CNTNAP2: variants seen among roughly 807,000 people sequenced by gnomAD.
CNTNAP2 encodes the protein contactin-associated protein-like 2.
CNTNAP2 carries 98 observed loss-of-function variants against 155.2 expected under a neutral mutation model. The ratio of observed to expected loss-of-function variants is 0.63; its 90% CI spans 0.54 to 0.75. CNTNAP2 has a LOEUF of 0.75. Ranked by LOEUF, CNTNAP2 falls within the 30% of genes least tolerant of loss-of-function variation. The pLI is 0.00. For missense variants in CNTNAP2, 1,727 were observed against 1,688.1 expected, an observed-to-expected ratio of 1.02 and a Z score of -0.40; for synonymous variants, 651 against 631.2, an observed-to-expected ratio of 1.03 and a Z score of -0.47.
At chr7:146,792,324 G>T (rs1159231434) in intron 2 of CNTNAP2, among the ~76,000 whole-genome samples, 1 of 151,632 alleles carries the variant, frequency 6.6e-6, no homozygotes, top group East Asian at 1.9e-4. Flanking sequence ...AGGCAAAATG[G>T]CATGAATAAA....
chr7:148,114,413 T>C (rs1804420379), intron 15 of CNTNAP2, among the ~76,000 whole-genome samples: 1 of 152,216 alleles, frequency 6.6e-6, no homozygotes, highest in Non-Finnish European at 1.5e-5. Flanking sequence ...TACTTATGTA[T>C]TGATTGAATA....
chr7:148,300,624 C>G (rs1797368753), intron 21 of CNTNAP2, among the ~76,000 whole-genome samples: 2 of 148,170 alleles, frequency 1.3e-5, no homozygotes. Flanking sequence ...ATTTGTACAC[C>G]AATGTTCATA....
intron 13 of CNTNAP2, among the ~76,000 whole-genome samples, chr7:147,831,242 T>C (rs1332643256): frequency 6.6e-6 from 1 of 152,190 alleles, no homozygotes; most frequent in African/African-American, 2.4e-5. Context: ...AGATACAAGT[T>C]TCAGTTTAAG....
At chr7:147,134,326 G>A (rs937795650) in intron 8 of CNTNAP2, among the ~76,000 whole-genome samples, 15 of 151,794 alleles carry the variant, frequency 9.9e-5, no homozygotes, top group Non-Finnish European at 2.2e-4. Flanking sequence ...TCCAATACAT[G>A]ACAGTTAATT....
intron 2 of CNTNAP2, among the ~76,000 whole-genome samples, chr7:146,786,634 G>C (rs1358491389): frequency 6.6e-6 from 1 of 152,098 alleles, no homozygotes. Flanking sequence ...TGACATTTAA[G>C]ACAGTCTATT....
At chr7:147,567,550 A>T (rs1488190578) in intron 12 of CNTNAP2, among the ~76,000 whole-genome samples, 1 of 152,176 alleles carries the variant, frequency 6.6e-6, no homozygotes, top group Non-Finnish European at 1.5e-5. Context: ...TAGTGGCAAT[A>T]AAGTAAAAGA....
intron 1 of CNTNAP2, among the ~76,000 whole-genome samples, chr7:146,221,862 C>T (rs937096647): frequency 6.6e-6 from 1 of 152,094 alleles, no homozygotes; most frequent in African/African-American, 2.4e-5. Flanking sequence ...TTTCTTAAGT[C>T]AATACAAAGG....
chr7:147,526,549 T>G (rs1029526412), intron 11 of CNTNAP2, among the ~76,000 whole-genome samples: 8 of 152,222 alleles, frequency 5.3e-5, no homozygotes, highest in African/African-American at 1.7e-4. Context: ...GGTTTAGTGC[T>G]CATTGCTTGA....
chr7:146,239,587 A>C, intron 1 of CNTNAP2, among the ~76,000 whole-genome samples: 1 of 152,186 alleles, frequency 6.6e-6, no homozygotes, highest in East Asian at 1.9e-4. Context: ...AGCCTACCTC[A>C]GTGCTGTGTT....
chr7:147,752,960 T>G (rs1277208049), intron 13 of CNTNAP2, among the ~76,000 whole-genome samples: 2 of 152,202 alleles, frequency 1.3e-5, no homozygotes, highest in East Asian at 1.9e-4. Flanking sequence ...CTGTCCAGTT[T>G]TGATTCAACT....
chr7:148,038,570 T>C (rs1216389682), intron 15 of CNTNAP2, among the ~76,000 whole-genome samples: 1 of 152,204 alleles, frequency 6.6e-6, no homozygotes, highest in Non-Finnish European at 1.5e-5. Flanking sequence ...AAATGGTGAA[T>C]CACTAGAGGA....
At chr7:146,464,840 T>C (rs1272600986) in intron 1 of CNTNAP2, among the ~76,000 whole-genome samples, 3 of 152,148 alleles carry the variant, frequency 2.0e-5, no homozygotes, top group African/African-American at 4.8e-5. Flanking sequence ...GGGAATGAAT[T>C]TGAGAGTTGT....
chr7:146,395,827 G>GAA (rs1491336293), intron 1 of CNTNAP2, among the ~76,000 whole-genome samples: 3 of 70,852 alleles, frequency 4.2e-5, no homozygotes, highest in Admixed American at 1.5e-4. Flanking sequence ...ATAGATAGAG[G>GAA]AGAGAGAGAG....
At chr7:146,947,406 C>CTA (rs1212589608) in intron 3 of CNTNAP2, among the ~76,000 whole-genome samples, 91 of 131,974 alleles carry the variant, frequency 6.9e-4, no homozygotes, top group African/African-American at 1.2e-3. Flanking sequence ...CTCTCTCTCT[C>CTA]TCTCTATATA....
rs917924770 is a variant in CNTNAP2, at chr7:148,389,421, C to T, written c.3715+5533C>T. On this transcript the variant is annotated intron_variant, in intron 22 of 23. Coordinates refer to ENST00000361727, the MANE Select transcript of CNTNAP2 (RefSeq NM_014141.6). The stretch of plus-strand genomic sequence containing the variant: ...ACATGACTTGCTCCTCCTTGCCTTC[C>T]ACCATGATTGTGAGGCCTCGCCAGC... 2.6e-5 allele frequency among the ~76,000 whole-genome samples: 4 copies of T among 152,306 alleles called. No individual in the cohort carries two copies. In the South Asian group the frequency reaches 8.3e-4, roughly 32 times the overall value.
intron 13 of CNTNAP2, among the ~76,000 whole-genome samples, chr7:147,729,734 C>G (rs916154675): frequency 7.9e-5 from 12 of 152,002 alleles, no homozygotes; most frequent in African/African-American, 2.9e-4. Context: ...CTTTGTGAAG[C>G]AGGTTGTACT....
At chr7:147,458,594 G>C (rs534195315) in intron 10 of CNTNAP2, among the ~76,000 whole-genome samples, 24 of 152,102 alleles carry the variant, frequency 1.6e-4, no homozygotes, top group Non-Finnish European at 3.5e-4. Flanking sequence ...GATGAGAAGC[G>C]GACATGCAGG....
intron 3 of CNTNAP2, among the ~76,000 whole-genome samples, chr7:146,928,551 G>A (rs1327348078): frequency 6.6e-6 from 1 of 152,188 alleles, no homozygotes; most frequent in African/African-American, 2.4e-5. Context: ...GAGGTACCAG[G>A]TTCATCTCAC....
chr7:146,963,866 G>T (rs990828709), intron 3 of CNTNAP2, among the ~76,000 whole-genome samples: 2 of 151,992 alleles, frequency 1.3e-5, no homozygotes, highest in African/African-American at 4.8e-5. Context: ...ATTCTGATTT[G>T]CAAAGAAACA....
Sources: gnomAD v4.1 joint callset for allele counts (sites outside exome capture counted in the v4.1 genomes callset) on GRCh38, gnomAD v4.1.1 for gene constraint, MANE v1.5 for transcripts, NCBI Gene and HGNC (gene_info 2026-07-23, HGNC 2026-07-21) for gene names.